The following MEGF6 variants were observed in gnomAD, a reference collection of about 807,000 sequenced individuals.
MEGF6 encodes the protein multiple epidermal growth factor-like domains protein 6.
A neutral mutation model predicts 207.1 loss-of-function variants in MEGF6; 184 were observed. The ratio of observed to expected loss-of-function variants is 0.89; its 90% confidence interval spans 0.79 to 1.00. The LOEUF is 1.00. Ranked by LOEUF, MEGF6 falls within the 50% of genes least tolerant of loss-of-function variation. The pLI is 0.00. For synonymous variants in MEGF6, 1,038 were observed against 910.0 expected (o/e 1.14, Z -2.53); for missense variants, 2,282 against 2,202.9 (o/e 1.04, Z -0.72).
Position 3,560,828 on chromosome 1 carries a change from C to T in MEGF6, c.481+18997G>A, listed in dbSNP as rs552475131. On this transcript the variant is annotated intron_variant, in intron 4 of 36. Coordinates refer to ENST00000356575, the MANE Select transcript of MEGF6 (RefSeq NM_001409.4). The surrounding 1 kb of genome is among the most constrained non-coding windows in gnomAD (Gnocchi z 4.0). ...CGGAGCAGCCAGGAACAGCCTCAGG[C>T]GTCGGCCGCGAGGGGGTTGCTGGGC... 1.1e-4 allele frequency: 49 copies of T among 456,006 alleles called. No homozygotes were observed. The highest frequency in any genetic ancestry group is 1.8e-4 in the Non-Finnish European group (41 of 222,722). The allele number at this position is 456,006 out of a possible 1,614,324, so 28.2% of individuals were successfully genotyped here.
chr1:3,500,772 A>G lies in MEGF6; in HGVS notation c.2576-8T>C, dbSNP rs202054811. The G allele has an allele frequency of 3.4e-5, 55 of 1,605,748 alleles. No individual in the cohort carries two copies. In the African/African-American group the frequency reaches 6.9e-4, roughly 20 times the overall value. On this transcript the variant is annotated splice_region_variant and splice_polypyrimidine_tract_variant and intron_variant, in intron 20 of 36. Coordinates refer to ENST00000356575, the MANE Select transcript of MEGF6 (RefSeq NM_001409.4). ...AGTGCCCAGTATCACAGGCTGCAACAGAACTCAGGGTCACCCGGCGCAGGC... is the reference window on the plus strand; with the variant it reads ...AGTGCCCAGTATCACAGGCTGCAACGGAACTCAGGGTCACCCGGCGCAGGC...
intron 4 of MEGF6, among the ~76,000 whole-genome samples, chr1:3,550,645 T>TGCTCCGTGCCGGATCTG (rs1463541835): frequency 6.6e-6 from 1 of 151,828 alleles, no homozygotes; most frequent in African/African-American, 2.4e-5. Flanking sequence ...GCCTCCGGGG[T>TGCTCCGTGCCGGATCTG]GCTCCGTGCC....
chr1:3,562,562 G>A (rs1001765816), intron 4 of MEGF6, among the ~76,000 whole-genome samples: 1 of 152,192 alleles, frequency 6.6e-6, no homozygotes, highest in African/African-American at 2.4e-5. Context: ...CTCTGGCTCA[G>A]CCTCTGAGTG....
chr1:3,612,905 C>T (rs1372569992), upstream of MEGF6, among the ~76,000 whole-genome samples: 2 of 152,194 alleles, frequency 1.3e-5, no homozygotes, highest in South Asian at 4.1e-4. Flanking sequence ...CCCAGCTTTA[C>T]AGAAGGGGAG....
At position 3,509,085 on chromosome 1, in the gene MEGF6, T is replaced by C. The variant is rs777901415; in HGVS notation, c.1518A>G (p.Thr506=). ...TGGGCCCGCGCTCACCAAACTTCTC[T>C]GTGAGCGTGTGTTCGCCCCGCAACT... ...EAELRGEHTL[T]EKFVCLDDSF... The change falls in exon 12 of 37, where the codon ACA becomes ACG. Residue 506 remains threonine (T), a synonymous_variant. Coordinates refer to ENST00000356575, the MANE Select transcript of MEGF6 (RefSeq NM_001409.4). 6 of 1,594,442 alleles carry C rather than the reference T, an allele frequency of 3.8e-6. No individual in the cohort carries two copies. The highest frequency in any genetic ancestry group is 3.5e-5 in the Admixed American group (2 of 57,394).
chr1:3,551,066 G>T (rs893131240), intron 4 of MEGF6, among the ~76,000 whole-genome samples: 2 of 152,214 alleles, frequency 1.3e-5, no homozygotes, highest in African/African-American at 4.8e-5. Context: ...GGGCCCGCGT[G>T]GCCATGTGGC....
chr1:3,556,133 T>C lies in MEGF6; in HGVS notation c.481+23692A>G, dbSNP rs1376789983. ...CTGTTACAGCAGGAGTGGCCTTCCG[T>C]GGCCCAGGTGCTAAGTGAACCACGT... is the stretch of plus-strand genomic sequence containing the variant. On this transcript the variant is annotated intron_variant, in intron 4 of 36. Transcript: ENST00000356575. This position sits in a 1 kb window ranked among gnomAD's most constrained non-coding sequence, Gnocchi z 4.4. Among the ~76,000 whole-genome samples the C allele has an allele frequency of 2.6e-5, 4 of 152,202 alleles. No homozygotes were observed. Among genetic ancestry groups the C allele is most frequent in the African/African-American group, 9.6e-5 (4 of 41,452 alleles).
chr1:3,501,136 ACCC>A (rs1640844459), intron 19 of MEGF6, 38 bp downstream of exon 19: 12 of 1,612,468 alleles, frequency 7.4e-6, no homozygotes, highest in Non-Finnish European at 1.0e-5. Context: ...CTGGCCACCT[ACCC>A]CAGGTCAAAG....
chr1:3,493,788 C>T lies in MEGF6; in HGVS notation c.4370G>A (p.Gly1457Glu), dbSNP rs754487219. ...AGACTCACCCAGGTTACAGGTGGCT[C>T]CTGAGCGCCCTGGTGGGCAAAGGCA... ...GLCLCPPGRS[G>E]ATCNLDCRRG... is the part of the protein sequence containing the mutation. The change falls in exon 34 of 37, where the codon GGA becomes GAA. Residue 1457 changes from glycine to glutamate, a missense_variant. Coordinates refer to ENST00000356575, the MANE Select transcript of MEGF6 (RefSeq NM_001409.4). The T allele has an allele frequency of 5.0e-6, 8 of 1,611,964 alleles. No individual in the cohort carries two copies. In the South Asian group the frequency reaches 6.6e-5, roughly 13 times the overall value.
chr1:3,524,250 A>G lies in MEGF6; in HGVS notation c.482-4T>C. ...TGGGTTCGGCATTCGTCCACATCTG[A>G]GCAGGAATGGGGAAGGATCAGCAGC... is the stretch of plus-strand genomic sequence containing the variant. On this transcript the variant is annotated splice_polypyrimidine_tract_variant and splice_region_variant and intron_variant, in intron 4 of 36. Coordinates refer to ENST00000356575, the MANE Select transcript of MEGF6 (RefSeq NM_001409.4). The G allele has an allele frequency of 6.2e-7, 1 of 1,608,288 alleles. No homozygotes were observed. Among genetic ancestry groups the G allele is most frequent in the African/African-American group, 1.3e-5 (1 of 74,980 alleles).
At chr1:3,495,612 C>T (rs1264110017) in intron 30 of MEGF6, among the ~76,000 whole-genome samples, 1 of 152,188 alleles carries the variant, frequency 6.6e-6, no homozygotes, top group Non-Finnish European at 1.5e-5. Flanking sequence ...CCACGGCCAC[C>T]TCTATGAGGA....
upstream of MEGF6, among the ~76,000 whole-genome samples, chr1:3,615,958 C>T (rs934350440): frequency 6.6e-6 from 1 of 152,270 alleles, no homozygotes; most frequent in Admixed American, 6.5e-5. Context: ...AACAATTCCT[C>T]TAGCTTGCCT....
chr1:3,503,121 G>A (rs1640968708), intron 17 of MEGF6, among the ~76,000 whole-genome samples: 1 of 152,174 alleles, frequency 6.6e-6, no homozygotes, highest in African/African-American at 2.4e-5. Context: ...CGGAGCAGCA[G>A]ACCTGACCCC....
chr1:3,610,213 T>A (rs573097982), intron 1 of MEGF6, among the ~76,000 whole-genome samples: 8 of 152,264 alleles, frequency 5.3e-5, no homozygotes, highest in African/African-American at 1.7e-4. Context: ...TTGGACCCCC[T>A]CCTCTTCACC....
rs536737577 is a variant in MEGF6, at chr1:3,497,075, G to A, written c.3526C>T (p.Gln1176Ter). Residue 1176 changes from glutamine to a stop codon, truncating the protein, a stop_gained, in exon 28 of 37, where the codon CAG (glutamine) becomes TAG (stop). Transcript: ENST00000356575. LOFTEE classifies it high-confidence loss of function. ...SFGEDCAQMC[Q>*]CPGENPACHP... is the part of the protein sequence containing the mutation. ...CAGGCCGGGTTCTCACCGGGACACTGGCACATCTGCGCACAGTCCTCCCCA... is the reference window on the plus strand; with the variant it reads ...CAGGCCGGGTTCTCACCGGGACACTAGCACATCTGCGCACAGTCCTCCCCA... 137 of 1,569,384 alleles carry A rather than the reference G, an allele frequency of 8.7e-5. No homozygotes were observed. Among genetic ancestry groups the A allele is most frequent in the Admixed American group, 5.8e-4 (31 of 53,678 alleles).
chr1:3,531,823 G>GGGGGCCGCGGGGCGGGGGAA (rs1557755511), intron 4 of MEGF6, among the ~76,000 whole-genome samples: 7 of 151,254 alleles, frequency 4.6e-5, no homozygotes, highest in African/African-American at 1.2e-4. Context: ...GGGCGGGGGA[G>GGGGGCCGCGGGGCGGGGGAA]GGGGGCCGCG....
At chr1:3,616,334 CAA>C (rs1644378466), upstream of MEGF6, among the ~76,000 whole-genome samples, 1 of 152,158 alleles carries the variant, frequency 6.6e-6, no homozygotes, top group African/African-American at 2.4e-5. Context: ...GGAGAGTGAG[CAA>C]AGTCATTGAT....
rs1481419642 is a variant in MEGF6, at chr1:3,490,604, A to G, written c.4565-15T>C. ...CAGTGTGCCCGCTGGGGAAAAGGAG[A>G]AAAGAGGGCCAGTCCAGGGTGGGGC... On this transcript the variant is annotated splice_polypyrimidine_tract_variant and intron_variant, in intron 36 of 36. Transcript: ENST00000356575. 1.2e-6 allele frequency: 2 copies of G among 1,612,216 alleles called. No homozygotes were observed. Among genetic ancestry groups the G allele is most frequent in the Admixed American group, 1.7e-5 (1 of 59,804 alleles).
chr1:3,493,009 G>A (rs1190433649), intron 34 of MEGF6: 2 of 558,550 alleles, frequency 3.6e-6, no homozygotes, highest in Non-Finnish European at 6.3e-6. Context: ...CAGGCCCCAG[G>A]CACACGTCCA....
Sources: gnomAD v4.1 joint callset for allele counts (sites outside exome capture counted in the v4.1 genomes callset) on GRCh38, gnomAD v4.1.1 for gene constraint, Gnocchi (gnomAD v3.1) non-coding constraint, MANE v1.5 for transcripts, NCBI Gene and HGNC (gene_info 2026-07-23, HGNC 2026-07-21) for gene names.